IL21R: variants seen among roughly 807,000 people sequenced by gnomAD.
The protein encoded by IL21R is interleukin 21 receptor.
In IL21R, 14 loss-of-function variants were observed where a neutral mutation model predicts 41.3. That is an observed-to-expected ratio of 0.34 (90% CI 0.22 to 0.53). The LOEUF (loss-of-function observed/expected upper bound fraction) is 0.53. Ranked by LOEUF, IL21R falls within the 20% of genes least tolerant of loss-of-function variation. IL21R has a pLI of 0.94. For synonymous variants in IL21R, 286 were observed against 287.6 expected, an observed-to-expected ratio of 0.99 and a Z score of 0.05; for missense variants, 588 against 681.6, an observed-to-expected ratio of 0.86 and a Z score of 1.53.
At chr16:27,406,387 G>A (rs1455579107) in intron 1 of IL21R, among the ~76,000 whole-genome samples, 2 of 152,046 alleles carry the variant, frequency 1.3e-5, no homozygotes, top group African/African-American at 4.8e-5. Flanking sequence ...AGATTGCACA[G>A]GCAGCGGGGG....
intron 4 of IL21R, among the ~76,000 whole-genome samples, chr16:27,438,929 G>GGTGT (rs60330499): frequency 0.034 from 5,128 of 149,108 alleles, 95 homozygotes; most frequent in Non-Finnish European, 0.044. Context: ...GCTTTGGCAT[G>GGTGT]GTGTGTGTGT....
chr16:27,430,444 ACTCT>A (rs2087151820), intron 2 of IL21R, among the ~76,000 whole-genome samples: 1 of 151,962 alleles, frequency 6.6e-6, no homozygotes. Context: ...CTGGCTCCCA[ACTCT>A]CTGAGTGAGG....
chr16:27,449,424 GTGTGTGTGTGCATA>G lies in IL21R; in HGVS notation c.*152_*165del. The G allele has an allele frequency of 1.3e-6, 1 of 785,730 alleles. No individual in the cohort carries two copies. Among genetic ancestry groups the G allele is most frequent in the Non-Finnish European group, 2.0e-6 (1 of 505,096 alleles). 48.7% of individuals were successfully genotyped at this position (785,730 alleles called of 1,614,324 possible). On this transcript the variant is annotated 3_prime_UTR_variant, in exon 9 of 9. Coordinates refer to ENST00000337929, the MANE Select transcript of IL21R (RefSeq NM_181078.3). ...TGAGCCTGATGTTTACAGTGTCTGT[GTGTGTGTGTGCATA>G]TGTGTGTGTGTGCATATGCATGTGT...
chr16:27,419,867 C>A (rs1206149413), intron 1 of IL21R, among the ~76,000 whole-genome samples: 3 of 149,138 alleles, frequency 2.0e-5, no homozygotes, highest in African/African-American at 7.4e-5. Flanking sequence ...GCATTATGTA[C>A]AATACATAAT....
intron 3 of IL21R, among the ~76,000 whole-genome samples, chr16:27,436,614 T>G (rs145792274): frequency 1.2e-3 from 190 of 152,310 alleles, no homozygotes; most frequent in African/African-American, 4.1e-3. Flanking sequence ...GGTAAACTAC[T>G]ATACATACTT....
Position 27,449,717 on chromosome 16 carries a change from G to A in IL21R, c.*434G>A, listed in dbSNP as rs890113528. 1 of 247,862 alleles carries A rather than the reference G, an allele frequency of 4.0e-6. No individual in the cohort carries two copies. Among genetic ancestry groups the A allele is most frequent in the African/African-American group, 2.2e-5 (1 of 45,834 alleles). 15.4% of individuals were successfully genotyped at this position (247,862 alleles called of 1,614,324 possible). On this transcript the variant is annotated 3_prime_UTR_variant, in exon 9 of 9. Coordinates refer to ENST00000337929, the MANE Select transcript of IL21R (RefSeq NM_181078.3). ...CCACAGCATCTCCGGGGCTTTGTGGGATCAGGGCATTGCCTGTGACTGAGG... is the reference window on the plus strand; with the variant it reads ...CCACAGCATCTCCGGGGCTTTGTGGAATCAGGGCATTGCCTGTGACTGAGG...
At chr16:27,422,285 T>A (rs182279803) in intron 1 of IL21R, among the ~76,000 whole-genome samples, 111 of 152,218 alleles carry the variant, frequency 7.3e-4, no homozygotes, top group African/African-American at 2.5e-3. Context: ...TTATCCTATT[T>A]GTGGTTTGTA....
At chr16:27,443,172 T>C in intron 5 of IL21R, 56 bp downstream of exon 5, 1 of 1,473,446 alleles carries the variant, frequency 6.8e-7, no homozygotes, top group Non-Finnish European at 9.2e-7. Context: ...GATGACGGAG[T>C]GCAAAGGCAT....
chr16:27,419,890 CTT>C (rs369538447), intron 1 of IL21R, among the ~76,000 whole-genome samples: 5 of 134,390 alleles, frequency 3.7e-5, no homozygotes, highest in African/African-American at 2.7e-5. Context: ...TATATGCTAT[CTT>C]TTTTTTTTTT....
At chr16:27,404,533 G>A (rs2086708247) in intron 1 of IL21R, among the ~76,000 whole-genome samples, 1 of 152,158 alleles carries the variant, frequency 6.6e-6, no homozygotes, top group African/African-American at 2.4e-5. Context: ...CAACCCAGGT[G>A]CCTGATAAAT....
chr16:27,442,207 T>G (rs1052285508), intron 4 of IL21R, among the ~76,000 whole-genome samples: 1 of 151,792 alleles, frequency 6.6e-6, no homozygotes, highest in Non-Finnish European at 1.5e-5. Flanking sequence ...TGCGTTTGGG[T>G]GTGCATGTGT....
chr16:27,439,661 C>CACTCACACATGCACAG (rs2087345687), intron 4 of IL21R, among the ~76,000 whole-genome samples: 2 of 152,154 alleles, frequency 1.3e-5, no homozygotes, highest in Non-Finnish European at 2.9e-5. Flanking sequence ...CACATGCACA[C>CACTCACACATGCACAG]ACTCACACAT....
chr16:27,440,275 AGAGAGC>A (rs1481746454), intron 4 of IL21R, among the ~76,000 whole-genome samples: 72 of 140,316 alleles, frequency 5.1e-4, no homozygotes, highest in Non-Finnish European at 1.4e-4. Flanking sequence ...AGAGAGAGAG[AGAGAGC>A]GAGCAAGCGC....
intron 5 of IL21R, 51 bp from the exon 6 acceptor site, chr16:27,444,491 G>A: frequency 7.5e-7 from 1 of 1,331,400 alleles, no homozygotes; most frequent in Non-Finnish European, 9.9e-7. Context: ...TGGAGGCAGG[G>A]GCTGGCCTGG....
chr16:27,405,039 T>TA (rs768486590), intron 1 of IL21R, among the ~76,000 whole-genome samples: 8 of 150,924 alleles, frequency 5.3e-5, no homozygotes, highest in Non-Finnish European at 5.9e-5. Flanking sequence ...TTTTTTTTTT[T>TA]AATTTTTTTT....
intron 4 of IL21R, among the ~76,000 whole-genome samples, 164 bp downstream of exon 4, chr16:27,437,851 C>T (rs184432138): frequency 2.2e-4 from 34 of 152,200 alleles, no homozygotes; most frequent in Admixed American, 1.9e-3. Context: ...TTAGTAGAGA[C>T]GGGGATCTTG....
At chr16:27,408,624 T>C (rs2086782434) in intron 1 of IL21R, among the ~76,000 whole-genome samples, 1 of 152,220 alleles carries the variant, frequency 6.6e-6, no homozygotes, top group Admixed American at 6.5e-5. Context: ...TTCTTTCTTC[T>C]GTGTTCCCTC....
intron 1 of IL21R, among the ~76,000 whole-genome samples, chr16:27,415,014 T>C (rs1830305826): frequency 6.6e-6 from 1 of 152,162 alleles, no homozygotes; most frequent in African/African-American, 2.4e-5. Flanking sequence ...ATCAAATTTA[T>C]GGTGCAACTA....
At position 27,437,608 on chromosome 16, in the gene IL21R, C is replaced by T. The variant is rs761924013; in HGVS notation, c.273C>T (p.Asp91=). ...TGGATGTATTCCACTTCATGGCCGACGACATTTTCAGTGTCAACATCACAG... is the reference window on the plus strand; with the variant it reads ...TGGATGTATTCCACTTCATGGCCGATGACATTTTCAGTGTCAACATCACAG... ...CHMDVFHFMA[D]DIFSVNITDQ... Residue 91 remains aspartate (D), a synonymous_variant, in exon 4 of 9, where the codon GAC becomes GAT. Transcript: ENST00000337929. 20 of 1,614,084 alleles carry T rather than the reference C, an allele frequency of 1.2e-5. No individual in the cohort carries two copies. The highest frequency in any genetic ancestry group is 3.3e-5 in the Admixed American group (2 of 60,006).
Sources: allele counts gnomAD v4.1 joint callset (sites outside exome capture counted in the v4.1 genomes callset), GRCh38; gene constraint gnomAD v4.1.1; transcripts MANE v1.5; gene names NCBI Gene and HGNC (gene_info 2026-07-23, HGNC 2026-07-21).